ADGRL2: variants seen among roughly 807,000 people sequenced by gnomAD.
ADGRL2 encodes the protein calcium-independent alpha-latrotoxin receptor 2.
In ADGRL2, 44 loss-of-function variants were observed where a neutral mutation model predicts 157.4. That is an observed-to-expected ratio of 0.28 (90% CI 0.22 to 0.36). The LOEUF (loss-of-function observed/expected upper bound fraction) is 0.36. ADGRL2 is among the 10% of genes least tolerant of loss of function. The pLI is 1.00. For synonymous variants in ADGRL2, 585 were observed against 624.7 expected (o/e 0.94, Z 0.95); for missense variants, 1,510 against 1,768.9 (o/e 0.85, Z 2.63).
Position 81,801,034 on chromosome 1 carries a change from G to A in ADGRL2, c.-135G>A, listed in dbSNP as rs2087998080. 6.6e-6 allele frequency among the ~76,000 whole-genome samples: 1 copy of A among 151,234 alleles called. No homozygotes were observed. Among genetic ancestry groups the A allele is most frequent in the Non-Finnish European group, 1.5e-5 (1 of 67,714 alleles). On this transcript the variant is annotated 5_prime_UTR_variant, in exon 1 of 24. Coordinates refer to ENST00000686636, the MANE Select transcript of ADGRL2 (RefSeq NM_001366006.2). ...CGGCCTGGTCCTCGGGCGGCTGCTT[G>A]GCCACCGCCACCGCCGTCCGAAGGG...
intron 1 of ADGRL2, among the ~76,000 whole-genome samples, chr1:81,734,664 C>T (rs970664952): frequency 1.8e-4 from 26 of 147,960 alleles, no homozygotes; most frequent in Non-Finnish European, 1.4e-4. Flanking sequence ...TACCAATGAC[C>T]TCCATGCACA....
intron 2 of ADGRL2, among the ~76,000 whole-genome samples, chr1:81,556,805 C>T (rs189754470): frequency 1.3e-5 from 2 of 151,916 alleles, no homozygotes; most frequent in East Asian, 2.0e-4. Context: ...AGGCCAGGCG[C>T]GGTGGTTCAC....
intron 2 of ADGRL2, among the ~76,000 whole-genome samples, chr1:81,839,141 T>C (rs3790949): frequency 0.14 from 21,324 of 152,006 alleles, 1,659 homozygotes; most frequent in East Asian, 0.19. Flanking sequence ...AACCTTCAGC[T>C]ATTGAGTTTC....
rs1381913658 is a variant in ADGRL2 at position 81,942,051 on chromosome 1, T to C, written c.409+6T>C. 1.3e-6 allele frequency: 1 copy of C among 770,728 alleles called. No homozygotes were observed. The highest frequency in any genetic ancestry group is 2.4e-6 in the Non-Finnish European group (1 of 413,330). The allele number at this position is 770,728 out of a possible 1,614,324, so 47.7% of individuals were successfully genotyped here. A position where few individuals can be genotyped will look rare whatever the true frequency, so the allele number is the denominator to read the frequency against. On this transcript the variant is annotated splice_donor_region_variant and intron_variant, in intron 5 of 23. Coordinates refer to ENST00000686636, the MANE Select transcript of ADGRL2 (RefSeq NM_001366006.2). ...AATAGAAGTGGAGCAAAAAGGTAAA[T>C]AACATACAGTCTGAACCCCAGCTCC...
chr1:81,530,706 C>T (rs1416592275), intron 2 of ADGRL2, among the ~76,000 whole-genome samples: 1 of 152,090 alleles, frequency 6.6e-6, no homozygotes, highest in Non-Finnish European at 1.5e-5. Flanking sequence ...GGGACAAAGC[C>T]TCTAGAAGCT....
intron 2 of ADGRL2, among the ~76,000 whole-genome samples, chr1:81,450,070 T>C (rs1287531995): frequency 6.6e-6 from 1 of 152,208 alleles, no homozygotes; most frequent in East Asian, 1.9e-4. Flanking sequence ...TTTTGGTTTC[T>C]AACCATGCTC....
intron 2 of ADGRL2, among the ~76,000 whole-genome samples, chr1:81,553,611 C>T (rs923029221): frequency 6.6e-6 from 1 of 152,130 alleles, no homozygotes; most frequent in African/African-American, 2.4e-5. Context: ...GCTATTACCA[C>T]TCATTTAAAA....
chr1:81,693,710 C>G (rs900828274), intron 3 of ADGRL2, among the ~76,000 whole-genome samples: 1 of 152,104 alleles, frequency 6.6e-6, no homozygotes, highest in African/African-American at 2.4e-5. Flanking sequence ...AGTTTCTTTA[C>G]CACTTTGGTT....
chr1:81,309,691 G>T (rs1190275233), intron 1 of ADGRL2, among the ~76,000 whole-genome samples: 1 of 152,040 alleles, frequency 6.6e-6, no homozygotes, highest in Admixed American at 6.6e-5. Context: ...GTCAGGAATG[G>T]TTACTCTTAC....
chr1:81,825,587 T>C (rs10159331), intron 1 of ADGRL2, among the ~76,000 whole-genome samples: 79,068 of 146,556 alleles, frequency 0.54, 22,115 homozygotes, highest in Middle Eastern at 0.77. Context: ...CCTTGTGATC[T>C]GCCCATCTTG....
In ADGRL2 at chr1:81,356,952, C is replaced by CAAAAAAAAAAAAAAAAA. The variant is rs757239865; in HGVS notation, c.-302+50448_-302+50464dup. 4.0e-3 allele frequency among the ~76,000 whole-genome samples: 220 copies of CAAAAAAAAAAAAAAAAA among 55,646 alleles called. 8 individuals carry two copies. The highest frequency in any genetic ancestry group is 0.012 in the African/African-American group (164 of 13,578). The allele number at this position is 55,646 out of a possible 152,430, so 36.5% of individuals were successfully genotyped here. On this transcript the variant is annotated intron_variant, in intron 1 of 24. Transcript: ENST00000370721. ...TGGGGGACAAAATGAGACTCCGTCT[C>CAAAAAAAAAAAAAAAAA]AAAAAAAAAAAAAAAAAAAAAGAAG...
chr1:81,443,587 CTTAG>C (rs1247188615), intron 1 of ADGRL2, among the ~76,000 whole-genome samples: 2 of 152,062 alleles, frequency 1.3e-5, no homozygotes, highest in African/African-American at 2.4e-5. Flanking sequence ...CTACACACTA[CTTAG>C]TTAGGAATAC....
intron 18 of ADGRL2, 130 bp from the exon 19 acceptor site, chr1:81,981,678 C>A: frequency 1.3e-6 from 1 of 766,468 alleles, no homozygotes; most frequent in Non-Finnish European, 2.1e-6. Flanking sequence ...AAGGTTAAAA[C>A]CAAAATGCTG....
intron 1 of ADGRL2, among the ~76,000 whole-genome samples, chr1:81,388,012 T>C (rs1415856430): frequency 2.0e-5 from 3 of 152,184 alleles, no homozygotes. Context: ...GTTAAATCTG[T>C]TCATTTTCTG....
At chr1:81,771,074 C>T (rs1380921439) in intron 2 of ADGRL2, among the ~76,000 whole-genome samples, 5 of 152,020 alleles carry the variant, frequency 3.3e-5, no homozygotes, top group African/African-American at 9.7e-5. Context: ...GTAACTAGAC[C>T]TCTAGTCCAG....
At chr1:81,431,722 C>T (rs2077324807) in intron 1 of ADGRL2, among the ~76,000 whole-genome samples, 1 of 152,106 alleles carries the variant, frequency 6.6e-6, no homozygotes, top group South Asian at 2.1e-4. Flanking sequence ...ATTGCCTGTT[C>T]TTTTTTGTAG....
intron 2 of ADGRL2, chr1:81,501,690 C>T: frequency 1.3e-6 from 2 of 1,577,886 alleles, no homozygotes; most frequent in Non-Finnish European, 1.7e-6. Context: ...GTGCCCCGCA[C>T]AGGTTTAGAC....
At chr1:81,791,271 C>T (rs1381305924) in intron 2 of ADGRL2, among the ~76,000 whole-genome samples, 1 of 152,042 alleles carries the variant, frequency 6.6e-6, no homozygotes, top group African/African-American at 2.4e-5. Context: ...AGACCAGAGA[C>T]TTTACAAAAT....
chr1:81,498,429 T>C (rs551069882), intron 2 of ADGRL2, among the ~76,000 whole-genome samples: 2 of 152,318 alleles, frequency 1.3e-5, no homozygotes, highest in South Asian at 2.1e-4. Context: ...TTCAGAACCA[T>C]TTAATCTTTC....
Sources: allele counts gnomAD v4.1 joint callset (sites outside exome capture counted in the v4.1 genomes callset), GRCh38; gene constraint gnomAD v4.1.1; transcripts MANE v1.5; gene names NCBI Gene and HGNC (gene_info 2026-07-23, HGNC 2026-07-21).